The following SEMA3D variants were observed in gnomAD, a reference collection of about 807,000 sequenced individuals.
SEMA3D encodes semaphorin 3D, also known as semaphorin-3D.
In SEMA3D, 84 loss-of-function variants were observed where a neutral mutation model predicts 100.1. That is an observed-to-expected ratio of 0.84 (90% CI 0.70 to 1.01). The LOEUF (loss-of-function observed/expected upper bound fraction) is 1.01. Among genes scored for constraint, SEMA3D ranks in the 50% least tolerant of loss-of-function variants. The pLI, the probability that SEMA3D is intolerant of heterozygous loss-of-function variation, is 0.00. For synonymous variants in SEMA3D, 312 were observed against 320.7 expected, an observed-to-expected ratio of 0.97 and a Z score of 0.29; for missense variants, 875 against 934.1, an observed-to-expected ratio of 0.94 and a Z score of 0.82.
At chr7:85,140,726 T>C (rs1790023372) in intron 2 of SEMA3D, 1 of 979,930 alleles carries the variant, frequency 1.0e-6, no homozygotes, top group African/African-American at 1.8e-5. Flanking sequence ...AATACAAGTT[T>C]CTTCTGGTTT....
intron 2 of SEMA3D, among the ~76,000 whole-genome samples, chr7:85,126,408 TG>T (rs777587618): frequency 7.7e-6 from 1 of 130,716 alleles, no homozygotes; most frequent in Non-Finnish European, 1.6e-5. Context: ...GTGTGTCGTG[TG>T]TGTGTGTGTG....
chr7:85,127,490 T>C (rs886190032), intron 2 of SEMA3D, among the ~76,000 whole-genome samples: 30 of 152,156 alleles, frequency 2.0e-4, no homozygotes, highest in African/African-American at 6.5e-4. Flanking sequence ...TTAGAATATA[T>C]GTGTGTAATC....
chr7:85,021,714 GC>G (rs1562786038), intron 13 of SEMA3D, among the ~76,000 whole-genome samples: 1 of 151,708 alleles, frequency 6.6e-6, no homozygotes, highest in East Asian at 1.9e-4. Context: ...GGAATACAGT[GC>G]TTTTGTTTTA....
intron 4 of SEMA3D, among the ~76,000 whole-genome samples, chr7:85,090,377 G>A (rs186496360): frequency 9.2e-5 from 14 of 152,168 alleles, no homozygotes; most frequent in Admixed American, 4.6e-4. Context: ...TGAACGAGTC[G>A]ATTGTTTTAG....
the SEMA3D span, among the ~76,000 whole-genome samples, chr7:85,234,338 A>G: frequency 2.0e-5 from 3 of 152,246 alleles, no homozygotes; most frequent in Non-Finnish European, 4.4e-5. Context: ...GCTGGAAGAG[A>G]TAAAAGACAC....
intron 12 of SEMA3D, among the ~76,000 whole-genome samples, chr7:85,031,587 C>A (rs1385696605): frequency 1.3e-5 from 2 of 151,872 alleles, no homozygotes; most frequent in Non-Finnish European, 2.9e-5. Flanking sequence ...AGGTTAATGG[C>A]TTTTGATTTG....
chr7:85,243,034 T>G, the SEMA3D span, among the ~76,000 whole-genome samples: 20,115 of 152,112 alleles, frequency 0.13, 1,461 homozygotes, highest in Middle Eastern at 0.2. Context: ...AGCCTGTGAC[T>G]CTGGACTGTT....
intron 12 of SEMA3D, among the ~76,000 whole-genome samples, chr7:85,034,558 G>T (rs1790638036): frequency 6.6e-6 from 1 of 152,118 alleles, no homozygotes; most frequent in South Asian, 2.1e-4. Context: ...AGTGAGCCAA[G>T]ATTGCACCAC....
intron 2 of SEMA3D, chr7:85,140,759 G>A (rs1310501762): frequency 2.9e-5 from 28 of 971,982 alleles, no homozygotes; most frequent in Non-Finnish European, 3.1e-5. Flanking sequence ...GCCTAATAAT[G>A]AATGAATTAA....
At chr7:85,028,912 G>T in intron 12 of SEMA3D, 1 of 254,482 alleles carries the variant, frequency 3.9e-6, no homozygotes, top group South Asian at 5.7e-5. Flanking sequence ...CTGAATGAGA[G>T]CATCAACCCT....
intron 1 of SEMA3D, among the ~76,000 whole-genome samples, chr7:85,166,889 A>G (rs1307217900): frequency 1.3e-5 from 2 of 152,020 alleles, no homozygotes; most frequent in African/African-American, 4.8e-5. Flanking sequence ...GGATAAGAAA[A>G]CATGAGTTAG....
At chr7:85,218,357 C>T in the SEMA3D span, among the ~76,000 whole-genome samples, 1 of 152,012 alleles carries the variant, frequency 6.6e-6, no homozygotes, top group African/African-American at 2.4e-5. Flanking sequence ...AATAGGAATA[C>T]ATAAAAAATA....
intron 1 of SEMA3D, among the ~76,000 whole-genome samples, chr7:85,165,065 A>C (rs1360142005): frequency 1.3e-5 from 2 of 149,082 alleles, no homozygotes; most frequent in Non-Finnish European, 3.0e-5. Context: ...CTCATTGTTC[A>C]ATTCCCACCT....
chr7:85,103,254 A>T (rs1453386572), intron 3 of SEMA3D, among the ~76,000 whole-genome samples: 1 of 152,018 alleles, frequency 6.6e-6, no homozygotes, highest in Non-Finnish European at 1.5e-5. Context: ...TAAAGCTAAG[A>T]CACTCAGTGG....
intron 7 of SEMA3D, among the ~76,000 whole-genome samples, chr7:85,066,913 C>CACACACACACACACACAGAGAGAG: frequency 7.8e-6 from 1 of 127,760 alleles, no homozygotes; most frequent in African/African-American, 3.2e-5. Flanking sequence ...CACACACACA[C>CACACACACACACACACAGAGAGAG]AGAGAGAGAG....
intron 12 of SEMA3D, among the ~76,000 whole-genome samples, chr7:85,032,990 G>A (rs1340480629): frequency 2.0e-5 from 3 of 151,536 alleles, no homozygotes; most frequent in South Asian, 4.2e-4. Flanking sequence ...GTGCAAATGT[G>A]TTTACATATT....
intron 15 of SEMA3D, among the ~76,000 whole-genome samples, chr7:85,017,757 G>A (rs1226065316): frequency 6.6e-6 from 1 of 151,726 alleles, no homozygotes; most frequent in Non-Finnish European, 1.5e-5. Context: ...AATGTTGCAT[G>A]AAGCATCCTC....
the SEMA3D span, among the ~76,000 whole-genome samples, chr7:85,204,815 T>C: frequency 2.6e-5 from 4 of 152,112 alleles, no homozygotes; most frequent in Non-Finnish European, 4.4e-5. Context: ...ACTTCCATTC[T>C]TTCCAAATAT....
rs1431737231 is a variant in SEMA3D at position 85,105,770 on chromosome 7, TTACCTA to T, written c.152-7811_152-7806del. On this transcript the variant is annotated intron_variant, in intron 3 of 18. Coordinates refer to ENST00000284136, the MANE Select transcript of SEMA3D (RefSeq NM_001384900.1). Reference sequence around the variant, plus strand: ...CATTCTGTTCATTGGTCTTAGAACATTACCTATATCAATAATAAAACAGATGATATC... The same window carrying T: ...CATTCTGTTCATTGGTCTTAGAACATTATCAATAATAAAACAGATGATATC... Among the ~76,000 whole-genome samples, 3 of 152,176 alleles carry T rather than the reference TTACCTA, an allele frequency of 2.0e-5. No homozygotes were observed. The South Asian group carries it at 6.2e-4, about 31-fold the overall frequency.
Sources: gnomAD v4.1 joint callset for allele counts (sites outside exome capture counted in the v4.1 genomes callset) on GRCh38, gnomAD v4.1.1 for gene constraint, MANE v1.5 for transcripts, NCBI Gene and HGNC (gene_info 2026-07-23, HGNC 2026-07-21) for gene names.